SNX29: variants seen among roughly 807,000 people sequenced by gnomAD.
SNX29 encodes sorting nexin-29.
A neutral mutation model predicts 102.1 loss-of-function variants in SNX29; 78 were observed. That is an observed-to-expected ratio of 0.76 (90% confidence interval 0.64 to 0.92). The LOEUF (loss-of-function observed/expected upper bound fraction) is 0.92. SNX29 is among the 40% of genes least tolerant of loss of function. The pLI, the probability that SNX29 is intolerant of heterozygous loss-of-function variation, is 0.00. For synonymous variants in SNX29, 580 were observed against 414.5 expected, an observed-to-expected ratio of 1.40 and a Z score of -4.85; for missense variants, 1,280 against 1,061.7, an observed-to-expected ratio of 1.21 and a Z score of -2.86.
At chr16:12,545,895 T>C (rs79570161) in intron 20 of SNX29, among the ~76,000 whole-genome samples, 2,071 of 152,128 alleles carry the variant, frequency 0.014, 46 homozygotes, top group African/African-American at 0.048. Context: ...TGGGGTGGGG[T>C]ACCTGGAGCA....
intron 18 of SNX29, among the ~76,000 whole-genome samples, chr16:12,428,785 A>G (rs1567553230): frequency 6.6e-6 from 1 of 152,204 alleles, no homozygotes; most frequent in Non-Finnish European, 1.5e-5. Flanking sequence ...CAATACATAG[A>G]TACGATGGCA....
intron 14 of SNX29, among the ~76,000 whole-genome samples, chr16:12,215,615 C>T (rs1278134679): frequency 6.6e-6 from 1 of 152,160 alleles, no homozygotes; most frequent in East Asian, 1.9e-4. Flanking sequence ...AACAGGCAGG[C>T]AGGTGGACCT....
intron 17 of SNX29, among the ~76,000 whole-genome samples, 199 bp downstream of exon 17, chr16:12,398,700 G>C (rs944730242): frequency 6.6e-6 from 1 of 151,286 alleles, no homozygotes; most frequent in African/African-American, 2.4e-5. Context: ...CTCACCCTTG[G>C]GTATTTAAAA....
chr16:12,273,342 G>GT (rs59985462), intron 14 of SNX29, among the ~76,000 whole-genome samples: 229 of 145,050 alleles, frequency 1.6e-3, no homozygotes, highest in South Asian at 0.013. Flanking sequence ...TTTGTTTTTT[G>GT]TTTTTTTTTT....
At chr16:12,021,193 G>A (rs1414428502) in intron 3 of SNX29, among the ~76,000 whole-genome samples, 1 of 152,128 alleles carries the variant, frequency 6.6e-6, no homozygotes, top group Non-Finnish European at 1.5e-5. Flanking sequence ...TTGGGAGGCT[G>A]AGGCAGGCGG....
At chr16:12,311,011 T>A (rs1308694796) in intron 15 of SNX29, among the ~76,000 whole-genome samples, 1 of 152,246 alleles carries the variant, frequency 6.6e-6, no homozygotes, top group East Asian at 1.9e-4. Flanking sequence ...GGGGCTTTCC[T>A]GGGAGGACCA....
intron 4 of SNX29, chr16:12,029,814 A>G (rs1370398177): frequency 5.9e-6 from 2 of 339,282 alleles, no homozygotes; most frequent in East Asian, 8.3e-5. Flanking sequence ...CTGGTCTCGA[A>G]CTCCTGACTT....
rs1273937330 is a variant in SNX29, at chr16:12,125,603, C to CTTTTTTT, written c.1403-1029_1403-1028insTTTTTTT. ...CAAGGGGGGCTTGTGGCTGAGATCT[C>CTTTTTTT]TCTTTTTTTTTTTTTTTTTTTTTTT... On this transcript the variant is annotated intron_variant, in intron 11 of 20. Coordinates refer to ENST00000566228, the MANE Select transcript of SNX29 (RefSeq NM_032167.5). 9.8e-5 allele frequency among the ~76,000 whole-genome samples: 7 copies of CTTTTTTT among 71,496 alleles called. 2 individuals carry two copies. Among genetic ancestry groups the CTTTTTTT allele is most frequent in the African/African-American group, 1.1e-4 (2 of 18,864 alleles). 46.9% of individuals were successfully genotyped at this position (71,496 alleles called of 152,430 possible). A position where few individuals can be genotyped will look rare whatever the true frequency, so the allele number is the denominator to read the frequency against.
chr16:12,168,735 A>G lies in SNX29; in HGVS notation c.1596-30866A>G, dbSNP rs565333819. 5.8e-4 allele frequency among the ~76,000 whole-genome samples: 89 copies of G among 152,340 alleles called. 1 individual carries two copies. The highest frequency in any genetic ancestry group is 1.1e-3 in the Non-Finnish European group (75 of 68,034). On this transcript the variant is annotated intron_variant, in intron 13 of 20. Transcript: ENST00000566228. Reference sequence around the variant, plus strand: ...CTTTGCTGCTAGAATCTTCTTAACAATAACGTATTGAGTTATTATTAGATC... The same window carrying G: ...CTTTGCTGCTAGAATCTTCTTAACAGTAACGTATTGAGTTATTATTAGATC...
intron 3 of SNX29, among the ~76,000 whole-genome samples, chr16:12,024,231 C>G (rs531672611): frequency 1.3e-5 from 2 of 151,970 alleles, no homozygotes; most frequent in Non-Finnish European, 2.9e-5. Flanking sequence ...CTCCGCCTCC[C>G]GGATTCATGT....
At chr16:12,307,369 C>T (rs2080370278) in intron 15 of SNX29, among the ~76,000 whole-genome samples, 1 of 152,112 alleles carries the variant, frequency 6.6e-6, no homozygotes, top group African/African-American at 2.4e-5. Context: ...CTGTATCCTC[C>T]AGTATAAAAT....
intron 13 of SNX29, among the ~76,000 whole-genome samples, chr16:12,165,134 C>T (rs542389996): frequency 6.6e-6 from 1 of 152,324 alleles, no homozygotes; most frequent in South Asian, 2.1e-4. Flanking sequence ...GACATACTGG[C>T]ATCTTATTAA....
chr16:12,560,607 G>C (rs2141469484), intron 20 of SNX29: 1 of 152,898 alleles, frequency 6.5e-6, no homozygotes, highest in African/African-American at 2.4e-5. Flanking sequence ...AAAGCAGCAA[G>C]CAACAGCTGC....
At chr16:12,557,428 G>A (rs560937920) in intron 20 of SNX29, 4 of 152,308 alleles carry the variant, frequency 2.6e-5, no homozygotes, top group East Asian at 1.9e-4. Flanking sequence ...TTGGCATGAT[G>A]TTGGCTCACT....
chr16:12,513,456 T>C (rs1462432191), intron 19 of SNX29, among the ~76,000 whole-genome samples: 1 of 151,982 alleles, frequency 6.6e-6, no homozygotes, highest in African/African-American at 2.4e-5. Context: ...TGCCTTCCTC[T>C]GCTCTCTCCT....
At chr16:12,552,141 C>T (rs920906625) in intron 20 of SNX29, among the ~76,000 whole-genome samples, 1 of 152,204 alleles carries the variant, frequency 6.6e-6, no homozygotes, top group African/African-American at 2.4e-5. Flanking sequence ...TGAGAGGCCA[C>T]ATTCCAGTAC....
At chr16:12,442,071 C>T (rs578186290) in intron 18 of SNX29, among the ~76,000 whole-genome samples, 16 of 152,266 alleles carry the variant, frequency 1.1e-4, no homozygotes, top group Admixed American at 3.9e-4. Flanking sequence ...TGAGCCACCA[C>T]GCCTGGCTTT....
chr16:12,522,008 C>T (rs114261650), intron 19 of SNX29, among the ~76,000 whole-genome samples: 2,736 of 152,284 alleles, frequency 0.018, 85 homozygotes, highest in African/African-American at 0.063. Flanking sequence ...GGCCGCTCAT[C>T]GGAGGTGGCT....
chr16:12,012,718 C>A (rs2056694914), intron 3 of SNX29, among the ~76,000 whole-genome samples: 1 of 152,022 alleles, frequency 6.6e-6, no homozygotes, highest in Non-Finnish European at 1.5e-5. Context: ...GGCATTATTT[C>A]TTAAACTTAG....
Sources: allele counts gnomAD v4.1 joint callset (sites outside exome capture counted in the v4.1 genomes callset), GRCh38; gene constraint gnomAD v4.1.1; transcripts MANE v1.5; gene names NCBI Gene and HGNC (gene_info 2026-07-23, HGNC 2026-07-21).